TMEM214: variants seen among roughly 807,000 people sequenced by gnomAD.
TMEM214 encodes transmembrane protein 214.
A neutral mutation model predicts 89.8 loss-of-function variants in TMEM214; 71 were observed. The ratio of observed to expected loss-of-function variants is 0.79; its 90% CI spans 0.65 to 0.96. TMEM214 has a LOEUF of 0.96. Among genes scored for constraint, TMEM214 ranks in the 40% least tolerant of loss-of-function variants. The probability of loss-of-function intolerance (pLI) is 0.00; values close to 1 mark genes in which losing one functional copy is unlikely to be tolerated. For synonymous variants in TMEM214, 332 were observed against 349.5 expected, an observed-to-expected ratio of 0.95 and a Z score of 0.56; for missense variants, 754 against 843.4, an observed-to-expected ratio of 0.89 and a Z score of 1.31.
chr2:27,039,029 C>A lies in TMEM214; in HGVS notation c.1408-18C>A. The A allele has an allele frequency of 6.2e-7, 1 of 1,612,266 alleles. No individual in the cohort carries two copies. Among genetic ancestry groups the A allele is most frequent in the Non-Finnish European group, 8.5e-7 (1 of 1,179,406 alleles). ...GCCCCTCGCTTCTGACAACTGTCTCCTGCTCCCCTCCCACCAGGGCCTGTT... is the reference window on the plus strand; with the variant it reads ...GCCCCTCGCTTCTGACAACTGTCTCATGCTCCCCTCCCACCAGGGCCTGTT... On this transcript the variant is annotated intron_variant, in intron 12 of 16. Transcript: ENST00000238788.
At chr2:27,037,915 G>A (rs776453746) in intron 9 of TMEM214, 15 of 1,549,566 alleles carry the variant, frequency 9.7e-6, no homozygotes, top group Middle Eastern at 1.7e-4. Flanking sequence ...TCTGATGCCC[G>A]TCTCTTGCAG....
rs1309819954 is a variant in TMEM214, at chr2:27,033,005, G to A, written c.-11G>A. On this transcript the variant is annotated 5_prime_UTR_variant, in exon 1 of 17. Coordinates refer to ENST00000238788, the MANE Select transcript of TMEM214 (RefSeq NM_017727.5). ...GCCGGGGAAGTGGCCGAGGAGGGAG[G>A]GCTGCGAGCCATGGCGACCAAGACG... 8.0e-6 allele frequency: 10 copies of A among 1,246,100 alleles called. No homozygotes were observed. The highest frequency in any genetic ancestry group is 9.1e-6 in the Non-Finnish European group (9 of 987,726). 77.2% of individuals were successfully genotyped at this position (1,246,100 alleles called of 1,614,324 possible). A position where few individuals can be genotyped will look rare whatever the true frequency, so the allele number is the denominator to read the frequency against.
Position 27,038,550 on chromosome 2 carries a change from C to T in TMEM214, c.1293+18C>T, listed in dbSNP as rs780425318. 25 of 1,613,758 alleles carry T rather than the reference C, an allele frequency of 1.5e-5. No individual in the cohort carries two copies. The highest frequency in any genetic ancestry group is 6.6e-5 in the South Asian group (6 of 91,082). ...CCAAGAAGGTGAGGAGCTGGGAGGA[C>T]GTGGCAGGTTGAGCCCTGTCTGGAT... On this transcript the variant is annotated intron_variant, in intron 11 of 16. Transcript: ENST00000238788. This position sits in a 1 kb window ranked among gnomAD's most constrained non-coding sequence, Gnocchi z 4.4.
At position 27,039,857 on chromosome 2, in the gene TMEM214, G is replaced by C; in HGVS notation, c.1622+20G>C. On this transcript the variant is annotated intron_variant, in intron 14 of 16. Coordinates refer to ENST00000238788, the MANE Select transcript of TMEM214 (RefSeq NM_017727.5). ...CTACAGGTGAGCTCCTCCCAGGGAG[G>C]GGAGAGGAGAGGCAGAAGAGAGAAG... 6.2e-7 allele frequency: 1 copy of C among 1,612,324 alleles called. No homozygotes were observed. Among genetic ancestry groups the C allele is most frequent in the Non-Finnish European group, 8.5e-7 (1 of 1,179,210 alleles).
Position 27,038,266 on chromosome 2 carries a change from C to G in TMEM214, c.1244+29C>G, listed in dbSNP as rs1667662247. On this transcript the variant is annotated intron_variant, in intron 10 of 16. Coordinates refer to ENST00000238788, the MANE Select transcript of TMEM214 (RefSeq NM_017727.5). This position sits in a 1 kb window ranked among gnomAD's most constrained non-coding sequence, Gnocchi z 4.4. ...GGTGGGGTGGGAGGCCAGCCTGTCC[C>G]TGTGCTAGAAGCAGAAGGGGAGCCT... 6.2e-7 allele frequency: 1 copy of G among 1,608,318 alleles called. No individual in the cohort carries two copies. The highest frequency in any genetic ancestry group is 8.5e-7 in the Non-Finnish European group (1 of 1,175,368).
chr2:27,040,360 C>A lies in TMEM214; in HGVS notation c.1807C>A (p.Pro603Thr), dbSNP rs1419908382. Residue 603 changes from proline to threonine, a missense_variant, in exon 16 of 17, where the codon CCC becomes ACC. Coordinates refer to ENST00000238788, the MANE Select transcript of TMEM214 (RefSeq NM_017727.5). ...SLSQRLQIQL[P>T]DSVNQLLRYL... ...CATGGTCCAGCTACAGATCCAGCTC[C>A]CCGATTCCGTGAATCAGCTACTCCG... 1 of 1,614,242 alleles carries A rather than the reference C, an allele frequency of 6.2e-7. No individual in the cohort carries two copies. The highest frequency in any genetic ancestry group is 8.5e-7 in the Non-Finnish European group (1 of 1,180,042).
chr2:27,037,038 G>T (rs575322388), intron 7 of TMEM214, 39 bp from the exon 8 acceptor site: 43 of 1,566,570 alleles, frequency 2.7e-5, no homozygotes, highest in Non-Finnish European at 3.6e-5. Context: ...GCTGGCATGG[G>T]TGGTGGTGTC....
Position 27,038,369 on chromosome 2 carries a change from CT to C in TMEM214, c.1245-114del. Reference sequence around the variant, plus strand: ...GAGCAGCCTCTAGGAAGCTGCTGCTCTGTGGGTGGTAGGTGGAGGGTCTTTC... The same window carrying C: ...GAGCAGCCTCTAGGAAGCTGCTGCTCGTGGGTGGTAGGTGGAGGGTCTTTC... On this transcript the variant is annotated intron_variant, in intron 10 of 16. Coordinates refer to ENST00000238788, the MANE Select transcript of TMEM214 (RefSeq NM_017727.5). This position sits in a 1 kb window ranked among gnomAD's most constrained non-coding sequence, Gnocchi z 4.4. 6.5e-7 allele frequency: 1 copy of C among 1,535,338 alleles called. No individual in the cohort carries two copies. Among genetic ancestry groups the C allele is most frequent in the Non-Finnish European group, 9.0e-7 (1 of 1,111,174 alleles).
At position 27,038,907 on chromosome 2, in the gene TMEM214, C is replaced by T; in HGVS notation, c.1407+92C>T. The T allele has an allele frequency of 7.0e-7, 1 of 1,421,426 alleles. No homozygotes were observed. Among genetic ancestry groups the T allele is most frequent in the Non-Finnish European group, 9.9e-7 (1 of 1,012,162 alleles). 88.1% of individuals were successfully genotyped at this position (1,421,426 alleles called of 1,614,324 possible). ...GGGCCTGTATCACATTCCTGCCCCA[C>T]CTGTCTGGAGCCCCCCGCTGCCTCC... On this transcript the variant is annotated intron_variant, in intron 12 of 16. Coordinates refer to ENST00000238788, the MANE Select transcript of TMEM214 (RefSeq NM_017727.5). This position sits in a 1 kb window ranked among gnomAD's most constrained non-coding sequence, Gnocchi z 4.4.
Position 27,041,270 on chromosome 2 carries a change from T to C in TMEM214, c.*433T>C. On this transcript the variant is annotated 3_prime_UTR_variant, in exon 17 of 17. Transcript: ENST00000238788. Reference sequence around the variant, plus strand: ...CTTTAGCAGCCTCCTGTTCCCATTCTTGGTCACAGCTCTAGCCACAGCAGA... The same window carrying C: ...CTTTAGCAGCCTCCTGTTCCCATTCCTGGTCACAGCTCTAGCCACAGCAGA... 6.0e-6 allele frequency: 1 copy of C among 167,156 alleles called. No individual in the cohort carries two copies. Among genetic ancestry groups the C allele is most frequent in the Non-Finnish European group, 1.3e-5 (1 of 75,462 alleles). The allele number at this position is 167,156 out of a possible 1,614,324, so 10.4% of individuals were successfully genotyped here. A position where few individuals can be genotyped will look rare whatever the true frequency, so the allele number is the denominator to read the frequency against.
chr2:27,035,344 T>C, intron 3 of TMEM214, 59 bp downstream of exon 3: 1 of 1,606,336 alleles, frequency 6.2e-7, no homozygotes, highest in Non-Finnish European at 8.5e-7. Flanking sequence ...AAAAGGGTGG[T>C]ATAACAGATC....
rs1203021754 is a variant in TMEM214, at chr2:27,038,590, G to T, written c.1293+58G>T. 114 of 1,610,006 alleles carry T rather than the reference G, an allele frequency of 7.1e-5. 1 individual carries two copies. In the South Asian group the frequency reaches 1.1e-3, roughly 16 times the overall value. On this transcript the variant is annotated intron_variant, in intron 11 of 16. Transcript: ENST00000238788. This position sits in a 1 kb window ranked among gnomAD's most constrained non-coding sequence, Gnocchi z 4.4. ...CCTGTCTGGATTCTAGGTTCTGAGT[G>T]GGGGCTCCTCAGCCACTGTCCCTTC... is the stretch of plus-strand genomic sequence containing the variant.
intron 8 of TMEM214, 120 bp from the exon 9 acceptor site, chr2:27,037,441 T>C (rs1667614069): frequency 7.9e-7 from 1 of 1,268,760 alleles, no homozygotes; most frequent in African/African-American, 1.5e-5. Flanking sequence ...TTCAGAGCCA[T>C]TGCAAGGTCC....
chr2:27,035,083 T>A (rs994774569), intron 2 of TMEM214, 52 bp from the exon 3 acceptor site: 2 of 1,605,304 alleles, frequency 1.2e-6, no homozygotes, highest in Non-Finnish European at 1.7e-6. Context: ...ATTTCTTTAC[T>A]CCCTCACTCA....
chr2:27,039,101 TTGC>T lies in TMEM214; in HGVS notation c.1468_1470del (p.Leu490del). The T allele has an allele frequency of 6.2e-7, 1 of 1,613,964 alleles. No individual in the cohort carries two copies. Among genetic ancestry groups the T allele is most frequent in the South Asian group, 1.1e-5 (1 of 91,086 alleles). ...GCTGCCCTGGACGCGGCTCCTCCTGTTGCTGCTGGTCTTCGCTGTAGGCTTCCT... is the reference window on the plus strand; with the variant it reads ...GCTGCCCTGGACGCGGCTCCTCCTGTTGCTGGTCTTCGCTGTAGGCTTCCT... On this transcript the variant is annotated inframe_deletion, in exon 13 of 17. Coordinates refer to ENST00000238788, the MANE Select transcript of TMEM214 (RefSeq NM_017727.5).
chr2:27,040,044 C>G lies in TMEM214; in HGVS notation c.1637C>G (p.Thr546Arg). 6.2e-7 allele frequency: 1 copy of G among 1,605,620 alleles called. No individual in the cohort carries two copies. Among genetic ancestry groups the G allele is most frequent in the African/African-American group, 1.3e-5 (1 of 75,046 alleles). Residue 546 changes from threonine to arginine, a missense_variant, in exon 15 of 17, where the codon ACA (threonine) becomes AGA (arginine). Physicochemically the swap from Thr to Arg is moderately conservative, Grantham distance 71 (BLOSUM62 -1). Coordinates refer to ENST00000238788, the MANE Select transcript of TMEM214 (RefSeq NM_017727.5). Reference sequence around the variant, plus strand: ...ATCTTCCACAGCTGGCTGGGGGAGACACTGCCGCTCTGGGGCTCCCACCTG... The same window carrying G: ...ATCTTCCACAGCTGGCTGGGGGAGAGACTGCCGCTCTGGGGCTCCCACCTG... The part of the protein sequence containing the change: ...SLQGYSWLGE[T>R]LPLWGSHLLT...
At chr2:27,036,897 C>T in intron 7 of TMEM214, 111 bp downstream of exon 7, 1 of 1,216,662 alleles carries the variant, frequency 8.2e-7, no homozygotes, top group South Asian at 1.2e-5. Flanking sequence ...AAATCAGGAC[C>T]AGCTTCTCCC....
In TMEM214 at chr2:27,039,056, C is replaced by G. The variant is rs1270286175; in HGVS notation, c.1417C>G (p.Gln473Glu). Residue 473 changes from glutamine to glutamate, a missense_variant, in exon 13 of 17, where the codon CAG becomes GAG. Transcript: ENST00000238788. ...TCDMACKGLL[Q>E]QVQGPRLPWT... ...GCTCCCCTCCCACCAGGGCCTGTTG[C>G]AGCAGGTTCAGGGTCCTCGGCTGCC... is the stretch of plus-strand genomic sequence containing the variant. 1.9e-6 allele frequency: 3 copies of G among 1,613,462 alleles called. No individual in the cohort carries two copies. The highest frequency in any genetic ancestry group is 1.3e-5 in the African/African-American group (1 of 74,954).
rs977072354 is a variant in TMEM214 at position 27,041,651 on chromosome 2, G to A, written c.*814G>A. The A allele has an allele frequency of 6.5e-6, 1 of 153,768 alleles. No homozygotes were observed. Among genetic ancestry groups the A allele is most frequent in the Non-Finnish European group, 1.5e-5 (1 of 68,040 alleles). The allele number at this position is 153,768 out of a possible 1,614,324, so 9.5% of individuals were successfully genotyped here. A position where few individuals can be genotyped will look rare whatever the true frequency, so the allele number is the denominator to read the frequency against. ...ACAGGACTCAGTATATGGTTCTTGG[G>A]TATGCCCTACCAGGTGGAATAAAGG... On this transcript the variant is annotated 3_prime_UTR_variant, in exon 17 of 17. Coordinates refer to ENST00000238788, the MANE Select transcript of TMEM214 (RefSeq NM_017727.5).
Sources: allele counts gnomAD v4.1 joint callset, GRCh38; gene constraint gnomAD v4.1.1; non-coding constraint Gnocchi (gnomAD v3.1); transcripts MANE v1.5; gene names NCBI Gene and HGNC (gene_info 2026-07-23, HGNC 2026-07-21).